The following CA5B variants were observed in gnomAD, a reference collection of about 807,000 sequenced individuals.
CA5B encodes the protein carbonic anhydrase 5B.
A neutral mutation model predicts 23.1 loss-of-function variants in CA5B; 15 were observed. That is an observed-to-expected ratio of 0.65 (90% CI 0.43 to 1.00). The LOEUF is 1.00. Ranked by LOEUF, CA5B falls within the 50% of genes least tolerant of loss-of-function variation. The probability of loss-of-function intolerance (pLI) is 0.00; values close to 1 mark genes in which losing one functional copy is unlikely to be tolerated. For missense variants in CA5B, 236 were observed against 252.2 expected (o/e 0.94, Z 0.43); for synonymous variants, 84 against 98.5 (o/e 0.85, Z 0.87).
chrX:15,740,969 G>A (rs1931107584), intron 1 of CA5B, among the ~76,000 whole-genome samples: 1 of 111,537 alleles, frequency 9.0e-6, no homozygotes, highest in South Asian at 3.7e-4. Flanking sequence ...GGCTGAGGTG[G>A]GATAATCACT....
chrX:15,772,674 T>TTTA (rs1183439072), intron 4 of CA5B, 60 bp downstream of exon 4: 13 of 650,088 alleles, frequency 2.0e-5, no homozygotes. Context: ...ATTCTGAACT[T>TTTA]TTAGTTGTAA....
intron 2 of CA5B, among the ~76,000 whole-genome samples, chrX:15,759,833 G>GCCT (rs1931567106): frequency 1.1e-5 from 1 of 87,352 alleles, no homozygotes; most frequent in Non-Finnish European, 2.1e-5. Flanking sequence ...GCTCACTGCA[G>GCCT]CCTCCACCTC....
At position 15,770,719 on chromosome X, in the gene CA5B, T is replaced by TTC. The variant is rs72381226; in HGVS notation, c.341-1763_341-1762dup. On this transcript the variant is annotated intron_variant, in intron 3 of 7. Transcript: ENST00000318636. ...GCCTGACAGCTGCTTGACAGTCTAT[T>TTC]TCTCTCTCTCTCTCTTTCTTTCTTT... Among the ~76,000 whole-genome samples, 7 of 93,362 alleles carry TTC rather than the reference T, an allele frequency of 7.5e-5. No homozygotes were observed. In the East Asian group the frequency reaches 1.6e-3, roughly 21 times the overall value. The allele number at this position is 93,362 out of a possible 115,157, so 81.1% of individuals were successfully genotyped here.
In CA5B at chrX:15,750,083, G is replaced by A. The variant is rs200179565; in HGVS notation, c.60G>A (p.Trp20Ter). The part of the protein sequence containing the change: ...ILQASPGKLL[W>*]RKFQIPRFMP... Reference sequence around the variant, plus strand: ...AAGCCTCTCCAGGCAAATTGCTGTGGAGAAAGTTCCAGATTCCGAGATTCA... The same window carrying A: ...AAGCCTCTCCAGGCAAATTGCTGTGAAGAAAGTTCCAGATTCCGAGATTCA... Residue 20 changes from tryptophan to a stop codon, truncating the protein, a stop_gained, in exon 2 of 8, where the codon TGG (tryptophan) becomes TGA (stop). Transcript: ENST00000318636. LOFTEE classifies it high-confidence loss of function. The A allele has an allele frequency of 1.5e-5, 18 of 1,209,927 alleles. No individual in the cohort carries two copies. Among genetic ancestry groups the A allele is most frequent in the Admixed American group, 8.7e-5 (4 of 45,770 alleles).
chrX:15,746,019 CTTCTT>C (rs1390734792), intron 1 of CA5B, among the ~76,000 whole-genome samples: 1 of 92,040 alleles, frequency 1.1e-5, no homozygotes, highest in Non-Finnish European at 2.2e-5. Context: ...AAAGCGTCAA[CTTCTT>C]TTTTTTTTTT....
At chrX:15,759,467 G>T (rs1013179797) in intron 2 of CA5B, among the ~76,000 whole-genome samples, 2 of 111,559 alleles carry the variant, frequency 1.8e-5, no homozygotes, top group Non-Finnish European at 3.8e-5. Flanking sequence ...TGAACCAGAA[G>T]ACAGGACCTT....
intron 6 of CA5B, chrX:15,775,518 G>A: frequency 1.0e-6 from 1 of 952,828 alleles, no homozygotes; most frequent in South Asian, 4.0e-5. Context: ...CAGTGCCGCT[G>A]AGGACTTGGG....
chrX:15,742,267 G>C (rs1232799421), intron 1 of CA5B, among the ~76,000 whole-genome samples: 1 of 112,470 alleles, frequency 8.9e-6, no homozygotes, highest in African/African-American at 3.2e-5. Context: ...ATCCCTAAAG[G>C]GTTTTCCTAC....
intron 1 of CA5B, among the ~76,000 whole-genome samples, chrX:15,748,564 G>A (rs1327728781): frequency 9.0e-6 from 1 of 111,186 alleles, no homozygotes; most frequent in African/African-American, 3.3e-5. Flanking sequence ...GTTCAAAAAT[G>A]TATATACACA....
Position 15,782,723 on chromosome X carries a change from A to G in CA5B, c.*59A>G. The G allele has an allele frequency of 1.1e-6, 1 of 880,808 alleles. No individual in the cohort carries two copies. Among genetic ancestry groups the G allele is most frequent in the South Asian group, 2.6e-5 (1 of 38,802 alleles). The allele number at this position is 880,808 out of a possible 1,213,427, so 72.6% of individuals were successfully genotyped here. A position where few individuals can be genotyped will look rare whatever the true frequency, so the allele number is the denominator to read the frequency against. On this transcript the variant is annotated 3_prime_UTR_variant, in exon 8 of 8. Coordinates refer to ENST00000318636, the MANE Select transcript of CA5B (RefSeq NM_007220.4). ...TTTAATATATACTAGCTTACTATAA[A>G]TTGTTAACTAGACTATTCTAAGTGC... is the stretch of plus-strand genomic sequence containing the variant.
intron 1 of CA5B, among the ~76,000 whole-genome samples, chrX:15,739,012 C>A (rs1018439111): frequency 8.9e-6 from 1 of 112,032 alleles, no homozygotes; most frequent in Non-Finnish European, 1.9e-5. Flanking sequence ...AGGAGAGGAA[C>A]CTCCAAATAC....
chrX:15,766,534 T>C (rs924600013), intron 3 of CA5B, among the ~76,000 whole-genome samples: 2 of 111,929 alleles, frequency 1.8e-5, no homozygotes, highest in Non-Finnish European at 3.8e-5. Context: ...TTTTCCCCCC[T>C]TTTTTTGCGT....
intron 1 of CA5B, among the ~76,000 whole-genome samples, chrX:15,749,289 A>G (rs1931307457): frequency 8.9e-6 from 1 of 112,056 alleles, no homozygotes; most frequent in African/African-American, 3.2e-5. Context: ...TACCTTGGAA[A>G]GCATCATCTT....
intron 1 of CA5B, among the ~76,000 whole-genome samples, chrX:15,745,183 A>AAAAAAAAAAG (rs1555992328): frequency 9.8e-3 from 849 of 86,454 alleles, no homozygotes; most frequent in Non-Finnish European, 0.015. Context: ...AAAAAAAAAA[A>AAAAAAAAAAG]AAAAGAAAAG....
chrX:15,767,904 T>TTC (rs1267417323), intron 3 of CA5B, among the ~76,000 whole-genome samples: 2 of 83,696 alleles, frequency 2.4e-5, no homozygotes, highest in African/African-American at 9.3e-5. Flanking sequence ...GGCCTTTTTT[T>TTC]TTTTTTTTTT....
intron 2 of CA5B, chrX:15,763,179 T>C (rs1290477129): frequency 1.5e-5 from 2 of 134,930 alleles, no homozygotes; most frequent in South Asian, 2.1e-4. Flanking sequence ...CGCACAGTTA[T>C]GTGGGGCGAG....
intron 3 of CA5B, among the ~76,000 whole-genome samples, chrX:15,771,331 A>G (rs768093793): frequency 9.8e-6 from 1 of 102,461 alleles, no homozygotes; most frequent in African/African-American, 3.5e-5. Flanking sequence ...ACATTGTGCC[A>G]CTGCACTCCA....
At chrX:15,752,980 C>T (rs761627249) in intron 2 of CA5B, among the ~76,000 whole-genome samples, 8 of 110,994 alleles carry the variant, frequency 7.2e-5, no homozygotes, top group Non-Finnish European at 1.3e-4. Context: ...TTACCTATAG[C>T]GTAGAAGCCC....
chrX:15,781,981 C>T (rs1021949766), intron 7 of CA5B, among the ~76,000 whole-genome samples: 3 of 110,925 alleles, frequency 2.7e-5, no homozygotes, highest in African/African-American at 9.8e-5. Context: ...ATATTCATTG[C>T]TTTGCCCACA....
Sources: gnomAD v4.1 joint callset for allele counts (sites outside exome capture counted in the v4.1 genomes callset) on GRCh38, gnomAD v4.1.1 for gene constraint, MANE v1.5 for transcripts, NCBI Gene and HGNC (gene_info 2026-07-23, HGNC 2026-07-21) for gene names.